Variants in PCED1A observed in about 807,000 individuals in gnomAD.
The protein encoded by PCED1A is PC-esterase domain-containing protein 1A.
PCED1A carries 20 observed loss-of-function variants against 41.9 expected under a neutral mutation model. That is an observed-to-expected ratio of 0.48 (90% CI 0.34 to 0.69). PCED1A has a LOEUF of 0.69. Ranked by LOEUF, PCED1A falls within the 30% of genes least tolerant of loss-of-function variation. The pLI, the probability that PCED1A is intolerant of heterozygous loss-of-function variation, is 0.01. For missense variants in PCED1A, 498 were observed against 602.1 expected, an observed-to-expected ratio of 0.83 and a Z score of 1.81; for synonymous variants, 236 against 241.3, an observed-to-expected ratio of 0.98 and a Z score of 0.20.
Position 2,835,586 on chromosome 20 carries a change from C to T in PCED1A, c.1241G>A (p.Ser414Asn), listed in dbSNP as rs774416081. The T allele has an allele frequency of 1.1e-5, 17 of 1,614,056 alleles. No homozygotes were observed. Among genetic ancestry groups the T allele is most frequent in the Non-Finnish European group, 1.4e-5 (17 of 1,180,008 alleles). ...CCCCATTCTCCGCACATGGTAGGGG[C>T]TGTTAGGAACATAGCGTGGCATCCC... ...HRGMPRYVPN[S>N]PYHVRRMGGP... The change falls in exon 8 of 8, where the codon AGC (serine) becomes AAC (asparagine). Residue 414 changes from serine to asparagine, a missense_variant. By Grantham distance (46) the Ser-to-Asn change is conservative. This residue lies in a region of PCED1A where 245 missense variants were observed against 232.4 expected (regional missense o/e 1.05). Transcript: ENST00000360652.
At position 2,838,641 on chromosome 20, in the gene PCED1A, C is replaced by T. The variant is rs746502557; in HGVS notation, c.549G>A (p.Ala183=). ...CAGTGATACGTTCCCCGAGGGGCAT[C>T]GCCATGTTCCACACCAGCAGGCAGG... The part of the protein sequence containing the change: ...PDSCLLVWNM[A]MPLGERITGG... The change falls in exon 5 of 8, where the codon GCG becomes GCA. Residue 183 remains alanine (A), a synonymous_variant. Transcript: ENST00000360652. The surrounding 1 kb of genome is among the most constrained non-coding windows in gnomAD (Gnocchi z 5.8). 8.1e-6 allele frequency: 13 copies of T among 1,614,208 alleles called. No individual in the cohort carries two copies. The highest frequency in any genetic ancestry group is 4.4e-5 in the South Asian group (4 of 91,084).
Position 2,835,624 on chromosome 20 carries a change from T to C in PCED1A, c.1203A>G (p.Pro401=). Residue 401 remains proline (P), a synonymous_variant, in exon 8 of 8, where the codon CCA becomes CCG. Coordinates refer to ENST00000360652, the MANE Select transcript of PCED1A (RefSeq NM_022760.6). ...AGCGTGGCATCCCCCGGTGGACCAC[T>C]GGGCCCCAGTGCTGACCATGGGGAT... ...GPNPHGQHWG[P]VVHRGMPRYV... 6.2e-7 allele frequency: 1 copy of C among 1,612,422 alleles called. No homozygotes were observed. Among genetic ancestry groups the C allele is most frequent in the Non-Finnish European group, 8.5e-7 (1 of 1,178,774 alleles).
At position 2,839,814 on chromosome 20, in the gene PCED1A, CTTG is replaced by C. The variant is rs1568617881; in HGVS notation, c.96_98del (p.Asn32del). The C allele has an allele frequency of 1.9e-6, 3 of 1,614,220 alleles. No homozygotes were observed. The highest frequency in any genetic ancestry group is 2.2e-5 in the East Asian group (1 of 44,882). On this transcript the variant is annotated inframe_deletion, in exon 2 of 8. Transcript: ENST00000360652. ...TGGAGTCCCCCAAGATGACCACGAACTTGTTGTGTAGCAGCTGCTGGACTTCCG... is the reference window on the plus strand; with the variant it reads ...TGGAGTCCCCCAAGATGACCACGAACTTGTGTAGCAGCTGCTGGACTTCCG...
upstream of PCED1A, chr20:2,841,056 A>G: frequency 1.8e-6 from 1 of 555,972 alleles, no homozygotes; most frequent in Non-Finnish European, 3.2e-6. Context: ...CCCGAAGCCC[A>G]GGTCTGTTAG....
chr20:2,840,792 G>A (rs141415553), upstream of PCED1A: 44 of 1,548,398 alleles, frequency 2.8e-5, no homozygotes, highest in African/African-American at 5.7e-4. Context: ...GCTACACGGC[G>A]AACTGGAACC....
At chr20:2,839,349 T>C in intron 2 of PCED1A, 78 bp from the exon 3 acceptor site, 1 of 1,395,944 alleles carries the variant, frequency 7.2e-7, no homozygotes, top group Non-Finnish European at 1.0e-6. Flanking sequence ...GACCCCATTT[T>C]CCCAGGGCTG....
upstream of PCED1A, chr20:2,840,745 G>T (rs773252998): frequency 4.5e-6 from 7 of 1,547,668 alleles, no homozygotes; most frequent in Admixed American, 5.9e-5. Context: ...GTGTCCCCTC[G>T]GTGCTTCCCA....
Position 2,838,872 on chromosome 20 carries a change from T to A in PCED1A, c.415A>T (p.Ile139Phe), listed in dbSNP as rs369121124. 13 of 1,614,128 alleles carry A rather than the reference T, an allele frequency of 8.1e-6. No individual in the cohort carries two copies. Among genetic ancestry groups the A allele is most frequent in the Non-Finnish European group, 1.1e-5 (13 of 1,180,020 alleles). ...GAGAGATCCCAGAGGCAGGAGTTGA[T>A]GATCACCAGGTCCGGGGCAGGTCCA... ...TYGPAPDLVI[I>F]NSCLWDLSRY... The change falls in exon 4 of 8, where the codon ATC becomes TTC. Residue 139 changes from isoleucine (I) to phenylalanine (F), a missense_variant. By Grantham distance (21) the Ile-to-Phe change is conservative (BLOSUM62 0). This residue lies in a region of PCED1A where 253 missense variants were observed against 369.7 expected (regional missense o/e 0.68). Coordinates refer to ENST00000360652, the MANE Select transcript of PCED1A (RefSeq NM_022760.6). The surrounding 1 kb of genome is among the most constrained non-coding windows in gnomAD (Gnocchi z 5.8).
rs151220721 is a variant in PCED1A, at chr20:2,836,257, T to G, written c.899A>C (p.Gln300Pro). The change falls in exon 7 of 8, where the codon CAG becomes CCG. Residue 300 changes from glutamine (Q) to proline (P), a missense_variant. Physicochemically the swap from Gln to Pro is moderately conservative, Grantham distance 76. Around this residue, in one of 2 missense-constraint regions of PCED1A, gnomAD observed 245 missense variants for 232.4 expected, o/e 1.05. Coordinates refer to ENST00000360652, the MANE Select transcript of PCED1A (RefSeq NM_022760.6). ...CAGGTGCTCCCCGAAGTCTGGGGTCTGCCTATGGCTTCCCTGGAATGGATG... is the reference window on the plus strand; with the variant it reads ...CAGGTGCTCCCCGAAGTCTGGGGTCGGCCTATGGCTTCCCTGGAATGGATG... ...MNHPFQGSHR[Q>P]TPDFGEHLAL... The G allele has an allele frequency of 3.6e-5, 58 of 1,614,062 alleles. No individual in the cohort carries two copies. In the African/African-American group the frequency reaches 7.6e-4, roughly 21 times the overall value.
chr20:2,835,775 G>A (rs891861760), intron 7 of PCED1A, 66 bp from the exon 8 acceptor site: 2 of 1,507,078 alleles, frequency 1.3e-6, no homozygotes, highest in African/African-American at 2.8e-5. Context: ...CTGCCTTGAA[G>A]CAACTCTTGT....
At position 2,835,477 on chromosome 20, in the gene PCED1A, C is replaced by T; in HGVS notation, c.1350G>A (p.Gly450=). The change falls in exon 8 of 8, where the codon GGG becomes GGA. Residue 450 remains glycine (G), a synonymous_variant. Coordinates refer to ENST00000360652, the MANE Select transcript of PCED1A (RefSeq NM_022760.6). ...KLDRRPPAHS[G]TWPG is the part of the protein sequence containing the mutation. ...AAGATCCAGTCTACCCAGGCCATGT[C>T]CCCGAATGGGCAGGAGGCCGTCTGT... The T allele has an allele frequency of 6.2e-7, 1 of 1,610,480 alleles. No homozygotes were observed. The highest frequency in any genetic ancestry group is 8.5e-7 in the Non-Finnish European group (1 of 1,177,326).
At chr20:2,840,759 GC>G, upstream of PCED1A, 1 of 1,547,966 alleles carries the variant, frequency 6.5e-7, no homozygotes. Flanking sequence ...CTTCCCAGCT[GC>G]CGTCTGCACC....
In PCED1A at chr20:2,839,085, A is replaced by AGGGCCCCCC; in HGVS notation, c.205-4_205-3insGGGGGGCCC. Reference sequence around the variant, plus strand: ...TCCTGTTCAAAGCTCAGCTCCCCCTACCCACCCCCCCCACCCTACTGGTCA... The same window carrying AGGGCCCCCC: ...TCCTGTTCAAAGCTCAGCTCCCCCTAGGGCCCCCCCCCACCCCCCCCACCCTACTGGTCA... On this transcript the variant is annotated splice_region_variant and splice_polypyrimidine_tract_variant and intron_variant, in intron 3 of 7. Coordinates refer to ENST00000360652, the MANE Select transcript of PCED1A (RefSeq NM_022760.6). The AGGGCCCCCC allele has an allele frequency of 2.0e-6, 1 of 491,538 alleles. No individual in the cohort carries two copies. The highest frequency in any genetic ancestry group is 3.5e-6 in the Non-Finnish European group (1 of 287,710). The allele number at this position is 491,538 out of a possible 1,614,324, so 30.4% of individuals were successfully genotyped here.
At position 2,840,391 on chromosome 20, in the gene PCED1A, A is replaced by C; in HGVS notation, c.-202T>G. ...CAGGTTAGCCGTCGGTGCACAGCCC[A>C]GCGCCCAGCGCTCTCCATGCGAGCG... On this transcript the variant is annotated 5_prime_UTR_variant, in exon 1 of 8. Coordinates refer to ENST00000360652, the MANE Select transcript of PCED1A (RefSeq NM_022760.6). 5.8e-6 allele frequency: 2 copies of C among 345,514 alleles called. No individual in the cohort carries two copies. The highest frequency in any genetic ancestry group is 3.0e-5 in the South Asian group (1 of 33,886). The allele number at this position is 345,514 out of a possible 1,614,324, so 21.4% of individuals were successfully genotyped here. A position where few individuals can be genotyped will look rare whatever the true frequency, so the allele number is the denominator to read the frequency against.
In PCED1A at chr20:2,838,367, G is replaced by A. The variant is rs200943983; in HGVS notation, c.706C>T (p.Arg236Trp). 5 of 1,614,240 alleles carry A rather than the reference G, an allele frequency of 3.1e-6. No individual in the cohort carries two copies. Among genetic ancestry groups the A allele is most frequent in the Admixed American group, 1.7e-5 (1 of 60,034 alleles). ...FDVLDLHFHF[R>W]HAVQHRHRDG... ...CGATGACGGTGCTGTACTGCATGCC[G>A]GAAGTGAAAGTGGAGGTCTAGGACA... The change falls in exon 6 of 8, where the codon CGG becomes TGG. Residue 236 changes from arginine (R) to tryptophan (W), a missense_variant. Coordinates refer to ENST00000360652, the MANE Select transcript of PCED1A (RefSeq NM_022760.6). The surrounding 1 kb of genome is among the most constrained non-coding windows in gnomAD (Gnocchi z 5.8).
rs778423722 is a variant in PCED1A at position 2,839,889 on chromosome 20, C to T, written c.24G>A (p.Glu8=). MVFCLSS[E]EPRRPLRSDM... ...CGCTTCGCAGCGGGCGGCGCGGCTCCTCGCTCGACAGACAGAAGACCATGC... is the reference window on the plus strand; with the variant it reads ...CGCTTCGCAGCGGGCGGCGCGGCTCTTCGCTCGACAGACAGAAGACCATGC... Residue 8 remains glutamate, a synonymous_variant, in exon 2 of 8, where the codon GAG becomes GAA. Transcript: ENST00000360652. The T allele has an allele frequency of 4.3e-6, 7 of 1,613,414 alleles. No homozygotes were observed. The East Asian group carries it at 1.1e-4, about 26-fold the overall frequency.
At chr20:2,840,952 G>A (rs1258592848), upstream of PCED1A, 25 of 932,996 alleles carry the variant, frequency 2.7e-5, no homozygotes, top group Non-Finnish European at 3.8e-5. Flanking sequence ...GGCTCTCCCC[G>A]AGCGTCTGCC....
Position 2,838,029 on chromosome 20 carries a change from C to G in PCED1A, c.841+203G>C, listed in dbSNP as rs192725688. Among the ~76,000 whole-genome samples the G allele has an allele frequency of 6.6e-6, 1 of 152,324 alleles. No homozygotes were observed. The highest frequency in any genetic ancestry group is 6.5e-5 in the Admixed American group (1 of 15,302). On this transcript the variant is annotated intron_variant, in intron 6 of 7. Coordinates refer to ENST00000360652, the MANE Select transcript of PCED1A (RefSeq NM_022760.6). The surrounding 1 kb of genome is among the most constrained non-coding windows in gnomAD (Gnocchi z 5.8). ...ACACAGAAATGACTACACAGCCAGA[C>G]TGTAGAAAACTGGAACTTGGACAAG... is the stretch of plus-strand genomic sequence containing the variant.
chr20:2,836,085 G>T lies in PCED1A; in HGVS notation c.1071C>A (p.Phe357Leu). The change falls in exon 7 of 8, where the codon TTC becomes TTA. Residue 357 changes from phenylalanine (F) to leucine (L), a missense_variant. By Grantham distance (22) the Phe-to-Leu change is conservative (BLOSUM62 0). This residue lies in a region of PCED1A where 245 missense variants were observed against 232.4 expected (regional missense o/e 1.05). Transcript: ENST00000360652. The stretch of plus-strand genomic sequence containing the variant: ...AGTCCTCCACTGGATTATAGTTGAA[G>T]AATTCATGGGGTGGGAAGGGCTGGC... ...FPGQPFPPHE[F>L]FNYNPVEDFS... is the part of the protein sequence containing the mutation. 1 of 1,465,340 alleles carries T rather than the reference G, an allele frequency of 6.8e-7. No individual in the cohort carries two copies. Among genetic ancestry groups the T allele is most frequent in the Non-Finnish European group, 9.1e-7 (1 of 1,099,550 alleles). The allele number at this position is 1,465,340 out of a possible 1,614,324, so 90.8% of individuals were successfully genotyped here.
Sources: allele counts gnomAD v4.1 joint callset (sites outside exome capture counted in the v4.1 genomes callset), GRCh38; gene constraint gnomAD v4.1.1; regional missense constraint gnomAD v4.1.1; non-coding constraint Gnocchi (gnomAD v3.1); transcripts MANE v1.5; gene names NCBI Gene and HGNC (gene_info 2026-07-23, HGNC 2026-07-21).